The following ZNF484 variants were observed in gnomAD, a reference collection of about 807,000 sequenced individuals.
The protein encoded by ZNF484 is KRAB box containing C2H2 type zinc finger bA526D8.4.
ZNF484 carries 11 observed loss-of-function variants against 12.9 expected under a neutral mutation model. That is an observed-to-expected ratio of 0.85 (90% confidence interval 0.54 to 1.41). The LOEUF is 1.41. ZNF484 is among the 40% of genes most tolerant of loss of function. The probability of loss-of-function intolerance (pLI) is 0.00; values close to 1 mark genes in which losing one functional copy is unlikely to be tolerated. For missense variants in ZNF484, 807 were observed against 1,007.7 expected (o/e 0.80, Z 2.70); for synonymous variants, 289 against 334.1 (o/e 0.86, Z 1.47).
intron 4 of ZNF484, among the ~76,000 whole-genome samples, chr9:92,852,143 A>G (rs1460360444): frequency 2.0e-5 from 3 of 152,236 alleles, no homozygotes; most frequent in African/African-American, 7.2e-5. Context: ...TTGCATTTTA[A>G]TGTACAAGAG....
intron 2 of ZNF484, 46 bp from the exon 3 acceptor site, chr9:92,856,364 A>T: frequency 6.9e-7 from 1 of 1,444,904 alleles, no homozygotes; most frequent in Non-Finnish European, 9.2e-7. Context: ...TTTAAAGAAT[A>T]TATTTGAATT....
chr9:92,874,972 AAAAG>A, intron 2 of ZNF484, 39 bp downstream of exon 2: 1 of 1,603,688 alleles, frequency 6.2e-7, no homozygotes, highest in Non-Finnish European at 8.5e-7. Context: ...CACTAAAAGT[AAAAG>A]AAAGCAACAA....
chr9:92,849,264 A>G (rs865867260), intron 4 of ZNF484, among the ~76,000 whole-genome samples: 1 of 150,810 alleles, frequency 6.6e-6, no homozygotes. Flanking sequence ...TCTATCTCCA[A>G]AAAAAAAAGA....
At chr9:92,861,690 G>A (rs140087855) in intron 2 of ZNF484, among the ~76,000 whole-genome samples, 1 of 152,104 alleles carries the variant, frequency 6.6e-6, no homozygotes, top group Non-Finnish European at 1.5e-5. Context: ...GGGACCCAGC[G>A]GGACAATAAC....
chr9:92,856,344 A>T, intron 2 of ZNF484, 26 bp from the exon 3 acceptor site: 1 of 1,513,612 alleles, frequency 6.6e-7, no homozygotes, highest in Non-Finnish European at 8.8e-7. Context: ...AACAAACTTT[A>T]AAATAATTTT....
Position 92,847,591 on chromosome 9 carries a change from A to C in ZNF484, c.1196T>G (p.Leu399Arg), listed in dbSNP as rs1855743189. ...TGTATGGATTTTCTGATGCATACTT[A>C]GTGTTGATTTCCTTGTGAAAGCTTT... is the stretch of plus-strand genomic sequence containing the variant. ...CGKAFTRKST[L>R]SMHQKIHTGE... is the part of the protein sequence containing the mutation. The change falls in exon 5 of 5, where the codon CTA becomes CGA. Residue 399 changes from leucine to arginine, a missense_variant. Leu to Arg is a moderately radical substitution (Grantham distance 102). Coordinates refer to ENST00000375495, the MANE Select transcript of ZNF484 (RefSeq NM_031486.4). 4 of 1,614,114 alleles carry C rather than the reference A, an allele frequency of 2.5e-6. No individual in the cohort carries two copies. Among genetic ancestry groups the C allele is most frequent in the Non-Finnish European group, 2.5e-6 (3 of 1,180,028 alleles).
intron 2 of ZNF484, among the ~76,000 whole-genome samples, chr9:92,858,762 G>GA (rs1367892296): frequency 6.6e-6 from 1 of 151,724 alleles, no homozygotes; most frequent in Admixed American, 6.6e-5. Flanking sequence ...GTAAACAAAG[G>GA]AAAAAATTAA....
rs115015283 is a variant in ZNF484, at chr9:92,850,465, A to G, written c.236-1914T>C. Reference sequence around the variant, plus strand: ...TATTTATGTTTACAGTAAAATTACGATATCTTAGTCATCCTAACTTGGCCA... The same window carrying G: ...TATTTATGTTTACAGTAAAATTACGGTATCTTAGTCATCCTAACTTGGCCA... On this transcript the variant is annotated intron_variant, in intron 4 of 4. Transcript: ENST00000375495. 3.3e-3 allele frequency among the ~76,000 whole-genome samples: 498 copies of G among 152,334 alleles called. 1 individual carries two copies. Among genetic ancestry groups the G allele is most frequent in the African/African-American group, 0.011 (466 of 41,566 alleles).
At position 92,846,776 on chromosome 9, in the gene ZNF484, T is replaced by A. The variant is rs755705469; in HGVS notation, c.2011A>T (p.Lys671Ter). ...AGACCTGACTTCCTAGTGAAGGCTT[T>A]CCCACAGTCACTACATTTATAAGGT... ...EKPYKCSDCG[K>*]AFTRKSGLHI... The change falls in exon 5 of 5, where the codon AAA becomes TAA. Residue 671 changes from lysine (K) to a stop codon, truncating the protein, a stop_gained. Coordinates refer to ENST00000375495, the MANE Select transcript of ZNF484 (RefSeq NM_031486.4). LOFTEE classifies it low-confidence loss of function (END_TRUNC). 2 of 1,613,998 alleles carry A rather than the reference T, an allele frequency of 1.2e-6. No homozygotes were observed. Among genetic ancestry groups the A allele is most frequent in the African/African-American group, 2.7e-5 (2 of 74,926 alleles).
chr9:92,856,205 G>A lies in ZNF484; in HGVS notation c.129C>T (p.Asn43=), dbSNP rs1336587946. The A allele has an allele frequency of 6.2e-7, 1 of 1,613,704 alleles. No individual in the cohort carries two copies. Among genetic ancestry groups the A allele is most frequent in the Non-Finnish European group, 8.5e-7 (1 of 1,179,952 alleles). ...AGCCGTGCTTACCCACTGAGATCAA[G>A]TTGAAATAGTTTTCCAGCATCACTT... ...YREVMLENYF[N]LISVGCQVPK... is the part of the protein sequence containing the mutation. The change falls in exon 3 of 5, where the codon AAC becomes AAT. Residue 43 remains asparagine, a synonymous_variant. Transcript: ENST00000375495.
chr9:92,847,431 T>C lies in ZNF484; in HGVS notation c.1356A>G (p.Lys452=), dbSNP rs1363927052. 1 of 1,613,648 alleles carries C rather than the reference T, an allele frequency of 6.2e-7. No individual in the cohort carries two copies. The highest frequency in any genetic ancestry group is 8.5e-7 in the Non-Finnish European group (1 of 1,179,894). Reference sequence around the variant, plus strand: ...TTCGCTGATGCACATGGAGTTGTGATTTTTTAATAAAGGATTTCCCACAGT... The same window carrying C: ...TTCGCTGATGCACATGGAGTTGTGACTTTTTAATAAAGGATTTCCCACAGT... ...CSDCGKSFIK[K]SQLHVHQRIH... is the part of the protein sequence containing the mutation. Residue 452 remains lysine (K), a synonymous_variant, in exon 5 of 5, where the codon AAA becomes AAG. Coordinates refer to ENST00000375495, the MANE Select transcript of ZNF484 (RefSeq NM_031486.4).
At position 92,856,206 on chromosome 9, in the gene ZNF484, T is replaced by C. The variant is rs762979024; in HGVS notation, c.128A>G (p.Asn43Ser). The C allele has an allele frequency of 1.9e-6, 3 of 1,613,774 alleles. No homozygotes were observed. The highest frequency in any genetic ancestry group is 2.7e-5 in the African/African-American group (2 of 74,868). Residue 43 changes from asparagine (N) to serine (S), a missense_variant, in exon 3 of 5, where the codon AAC becomes AGC. By Grantham distance (46) the Asn-to-Ser change is conservative (BLOSUM62 1). Coordinates refer to ENST00000375495, the MANE Select transcript of ZNF484 (RefSeq NM_031486.4). ...YREVMLENYFNLISVGCQVPK... is the reference protein window; with the variant it reads ...YREVMLENYFSLISVGCQVPK... ...GCCGTGCTTACCCACTGAGATCAAG[T>C]TGAAATAGTTTTCCAGCATCACTTC...
chr9:92,855,859 C>T lies in ZNF484; in HGVS notation c.187G>A (p.Glu63Lys), dbSNP rs1856411489. 1 of 1,614,032 alleles carries T rather than the reference C, an allele frequency of 6.2e-7. No individual in the cohort carries two copies. Among genetic ancestry groups the T allele is most frequent in the African/African-American group, 1.3e-5 (1 of 74,922 alleles). The change falls in exon 4 of 5, where the codon GAA (glutamate) becomes AAA (lysine). Residue 63 changes from glutamate to lysine, a missense_variant. Transcript: ENST00000375495. ...KPEVIFSLEQEEPCMLDGEIP... is the reference protein window; with the variant it reads ...KPEVIFSLEQKEPCMLDGEIP... ...TCACCATCCAACATACATGGCTCTT[C>T]TTGTTCCAAGCTGAAGATGACTTCT...
At chr9:92,863,311 A>T (rs1216506228) in intron 2 of ZNF484, among the ~76,000 whole-genome samples, 1 of 151,944 alleles carries the variant, frequency 6.6e-6, no homozygotes, top group Admixed American at 6.6e-5. Context: ...AAGCTAATGC[A>T]TGCTGGGCTT....
chr9:92,852,480 G>A (rs1041982679), intron 4 of ZNF484, among the ~76,000 whole-genome samples: 5 of 147,768 alleles, frequency 3.4e-5, no homozygotes, highest in African/African-American at 1.0e-4. Context: ...TGATCCACCT[G>A]CCTCAGCCTA....
chr9:92,856,332 A>G lies in ZNF484; in HGVS notation c.16-14T>C. On this transcript the variant is annotated splice_polypyrimidine_tract_variant and intron_variant, in intron 2 of 4. Transcript: ENST00000375495. Reference sequence around the variant, plus strand: ...TGACACTGATTCCTGTTAAAAAAAAAAAACAAACTTTAAAATAATTTTTTA... The same window carrying G: ...TGACACTGATTCCTGTTAAAAAAAAGAAACAAACTTTAAAATAATTTTTTA... 1 of 1,538,518 alleles carries G rather than the reference A, an allele frequency of 6.5e-7. No homozygotes were observed. Among genetic ancestry groups the G allele is most frequent in the Non-Finnish European group, 8.7e-7 (1 of 1,148,074 alleles).
chr9:92,856,915 G>A (rs896003764), intron 2 of ZNF484, among the ~76,000 whole-genome samples: 4 of 152,120 alleles, frequency 2.6e-5, no homozygotes, highest in Non-Finnish European at 5.9e-5. Flanking sequence ...TAGTAGAGAC[G>A]GGGTTTCACC....
At chr9:92,873,013 G>C (rs568393195) in intron 2 of ZNF484, among the ~76,000 whole-genome samples, 13 of 152,174 alleles carry the variant, frequency 8.5e-5, no homozygotes, top group Admixed American at 3.3e-4. Flanking sequence ...CCAAAAATTC[G>C]TATGTTTAGG....
At chr9:92,872,719 C>G (rs1487128183) in intron 2 of ZNF484, among the ~76,000 whole-genome samples, 2 of 151,746 alleles carry the variant, frequency 1.3e-5, no homozygotes, top group Non-Finnish European at 2.9e-5. Flanking sequence ...CCTCTTGACA[C>G]CTTGGTTTTA....
Sources: allele counts gnomAD v4.1 joint callset (sites outside exome capture counted in the v4.1 genomes callset), GRCh38; gene constraint gnomAD v4.1.1; transcripts MANE v1.5; gene names NCBI Gene and HGNC (gene_info 2026-07-23, HGNC 2026-07-21).